NFIB: variants seen among roughly 807,000 people sequenced by gnomAD.
The protein encoded by NFIB is nuclear factor I B, also known as nuclear factor 1 B-type.
NFIB carries 11 observed loss-of-function variants against 61.5 expected under a neutral mutation model. The observed-to-expected ratio is 0.18, with a 90% confidence interval of 0.11 to 0.30. The LOEUF (loss-of-function observed/expected upper bound fraction) is 0.30. NFIB is among the 10% of genes least tolerant of loss of function. The pLI is 1.00. For missense variants in NFIB, 471 were observed against 608.9 expected (o/e 0.77, Z 2.38); for synonymous variants, 260 against 216.5 (o/e 1.20, Z -1.76).
the NFIB span, among the ~76,000 whole-genome samples, chr9:14,517,846 G>T: frequency 6.6e-6 from 1 of 152,042 alleles, no homozygotes; most frequent in East Asian, 1.9e-4. Context: ...CTTTGCATAT[G>T]GTCATCCCTC....
At chr9:14,240,258 C>T (rs1429188652) in intron 2 of NFIB, among the ~76,000 whole-genome samples, 1 of 151,646 alleles carries the variant, frequency 6.6e-6, no homozygotes, top group Non-Finnish European at 1.5e-5. Context: ...TCCCTCTCTC[C>T]CTCTCTCTTT....
At chr9:14,119,147 T>A (rs1409513292) in intron 8 of NFIB, among the ~76,000 whole-genome samples, 1 of 152,146 alleles carries the variant, frequency 6.6e-6, no homozygotes, top group Non-Finnish European at 1.5e-5. Flanking sequence ...TGTGCACTGT[T>A]CCCAGCTGAG....
Position 14,187,027 on chromosome 9 carries a change from ATGTGTGTGTGTG to A in NFIB, c.563-7259_563-7248del, listed in dbSNP as rs71491637. On this transcript the variant is annotated intron_variant, in intron 2 of 10. Transcript: ENST00000380953. The stretch of plus-strand genomic sequence containing the variant: ...CTCCTGTGTGTGTGTGTGTGTGTGT[ATGTGTGTGTGTG>A]TGTGTGTGTGTGTGTGTGTGTGTGT... Among the ~76,000 whole-genome samples the A allele has an allele frequency of 2.7e-3, 167 of 61,042 alleles. 1 individual carries two copies. Among genetic ancestry groups the A allele is most frequent in the African/African-American group, 5.6e-3 (150 of 27,000 alleles). The allele number at this position is 61,042 out of a possible 152,430, so 40.0% of individuals were successfully genotyped here.
intron 2 of NFIB, among the ~76,000 whole-genome samples, chr9:14,283,565 AGGGC>A (rs2058518588): frequency 6.6e-6 from 1 of 152,212 alleles, no homozygotes; most frequent in Non-Finnish European, 1.5e-5. Context: ...CTCCTCTTTC[AGGGC>A]AAGAGCAGTC....
the NFIB span, among the ~76,000 whole-genome samples, chr9:14,487,309 GA>G: frequency 9.8e-4 from 149 of 152,232 alleles, 1 homozygote; most frequent in African/African-American, 3.5e-3. Context: ...CAAAAGAGCA[GA>G]AAAAACAAAA....
chr9:14,251,505 T>C (rs2055615439), intron 2 of NFIB, among the ~76,000 whole-genome samples: 1 of 152,224 alleles, frequency 6.6e-6, no homozygotes, highest in African/African-American at 2.4e-5. Flanking sequence ...CAAGTTCCAA[T>C]GTGGTTTACT....
At chr9:14,375,424 A>G (rs1162014080) in intron 1 of NFIB, among the ~76,000 whole-genome samples, 3 of 152,266 alleles carry the variant, frequency 2.0e-5, no homozygotes, top group South Asian at 2.1e-4. Context: ...TTGGGAGGCC[A>G]AGGTGGGTGG....
At chr9:14,166,889 C>A (rs187642636) in intron 3 of NFIB, among the ~76,000 whole-genome samples, 1 of 152,204 alleles carries the variant, frequency 6.6e-6, no homozygotes, top group South Asian at 2.1e-4. Flanking sequence ...CCTCATCTCA[C>A]AGAATACCGC....
chr9:14,109,469 G>A (rs2037032878), intron 10 of NFIB, among the ~76,000 whole-genome samples: 2 of 151,802 alleles, frequency 1.3e-5, no homozygotes, highest in Non-Finnish European at 2.9e-5. Context: ...TCTCAGCAGA[G>A]ACTAATCAGT....
chr9:14,150,684 A>C (rs1022187785), intron 4 of NFIB, among the ~76,000 whole-genome samples: 1 of 152,110 alleles, frequency 6.6e-6, no homozygotes, highest in Non-Finnish European at 1.5e-5. Flanking sequence ...TTAAATAAAT[A>C]AACAGAGAAC....
At chr9:14,513,367 C>A in the NFIB span, among the ~76,000 whole-genome samples, 2 of 152,052 alleles carry the variant, frequency 1.3e-5, no homozygotes, top group South Asian at 2.1e-4. Flanking sequence ...TGGTGGCTCA[C>A]GCCTGTAATC....
the NFIB span, among the ~76,000 whole-genome samples, chr9:14,448,125 T>C: frequency 6.6e-6 from 1 of 152,150 alleles, no homozygotes; most frequent in African/African-American, 2.4e-5. Flanking sequence ...TTTGCAAACA[T>C]TATACAGTGT....
At position 14,396,376 on chromosome 9, in the gene NFIB, C is replaced by T. The variant is rs1035928158; in HGVS notation, c.108+2148G>A. Reference sequence around the variant, plus strand: ...TAATGCTCCAAAATAACGACTGTGGCGCCTCTGTGCCACTCATTGTCCCAG... The same window carrying T: ...TAATGCTCCAAAATAACGACTGTGGTGCCTCTGTGCCACTCATTGTCCCAG... On this transcript the variant is annotated intron_variant, in intron 1 of 8. Transcript: ENST00000380934. 3.9e-5 allele frequency among the ~76,000 whole-genome samples: 6 copies of T among 152,096 alleles called. No homozygotes were observed. The South Asian group carries it at 6.2e-4, about 16-fold the overall frequency.
At chr9:14,138,496 T>C (rs1273639918) in intron 6 of NFIB, among the ~76,000 whole-genome samples, 1 of 152,116 alleles carries the variant, frequency 6.6e-6, no homozygotes, top group East Asian at 1.9e-4. Context: ...TATGTTAGAT[T>C]ATATTAAGAA....
chr9:14,147,035 G>C (rs916908406), intron 5 of NFIB, among the ~76,000 whole-genome samples: 2 of 151,970 alleles, frequency 1.3e-5, no homozygotes, highest in Non-Finnish European at 1.5e-5. Context: ...CAAATATGGT[G>C]TTCATTATAT....
At chr9:14,430,641 G>T in the NFIB span, among the ~76,000 whole-genome samples, 1 of 152,152 alleles carries the variant, frequency 6.6e-6, no homozygotes, top group Admixed American at 6.6e-5. Flanking sequence ...GAGTGCAGTG[G>T]CACGATCTCA....
intron 1 of NFIB, among the ~76,000 whole-genome samples, chr9:14,343,593 C>T (rs924266015): frequency 1.3e-5 from 2 of 152,172 alleles, no homozygotes; most frequent in African/African-American, 4.8e-5. Context: ...TCCTCCCTTC[C>T]CACTTTACAA....
chr9:14,201,326 A>T lies in NFIB; in HGVS notation c.563-21546T>A, dbSNP rs147838346. Among the ~76,000 whole-genome samples the T allele has an allele frequency of 3.4e-4, 51 of 151,950 alleles. No individual in the cohort carries two copies. The East Asian group carries it at 9.9e-3, about 29-fold the overall frequency. On this transcript the variant is annotated intron_variant, in intron 2 of 10. Coordinates refer to ENST00000380953, the MANE Select transcript of NFIB (RefSeq NM_001190737.2). ...CATAACCTGGCCCCAGCCTAGCCTC[A>T]CTCTCACAGAAACCATCACCCTTTA...
At chr9:14,440,004 A>C in the NFIB span, among the ~76,000 whole-genome samples, 1 of 152,114 alleles carries the variant, frequency 6.6e-6, no homozygotes, top group Non-Finnish European at 1.5e-5. Flanking sequence ...GCCACATGGG[A>C]GCTGGAAGTC....
Sources: gnomAD v4.1 joint callset for allele counts (sites outside exome capture counted in the v4.1 genomes callset) on GRCh38, gnomAD v4.1.1 for gene constraint, MANE v1.5 for transcripts, NCBI Gene and HGNC (gene_info 2026-07-23, HGNC 2026-07-21) for gene names.